The following PHLDB2 variants were observed in gnomAD, a reference collection of about 807,000 sequenced individuals.
PHLDB2 encodes pleckstrin homology-like domain family B member 2.
PHLDB2 carries 71 observed loss-of-function variants against 123.6 expected under a neutral mutation model. The ratio of observed to expected loss-of-function variants is 0.57; its 90% CI spans 0.47 to 0.70. The LOEUF is 0.70. Ranked by LOEUF, PHLDB2 falls within the 30% of genes least tolerant of loss-of-function variation. The probability of loss-of-function intolerance (pLI) is 0.00; values close to 1 mark genes in which losing one functional copy is unlikely to be tolerated. For synonymous variants in PHLDB2, 547 were observed against 541.6 expected (o/e 1.01, Z -0.14); for missense variants, 1,446 against 1,519.5 (o/e 0.95, Z 0.80).
At chr3:111,898,971 A>G (rs1230642503) in intron 2 of PHLDB2, among the ~76,000 whole-genome samples, 2 of 152,350 alleles carry the variant, frequency 1.3e-5, no homozygotes, top group South Asian at 2.1e-4. Flanking sequence ...AAAAATGTCA[A>G]TACCTCCTCT....
chr3:111,804,669 A>G (rs1308282727), intron 1 of PHLDB2, among the ~76,000 whole-genome samples: 1 of 152,160 alleles, frequency 6.6e-6, no homozygotes, highest in East Asian at 1.9e-4. Flanking sequence ...GCCCAATTAA[A>G]CTTTCATTTC....
At chr3:111,952,776 A>T (rs1386635937) in intron 11 of PHLDB2, 64 bp downstream of exon 11, 5 of 1,555,890 alleles carry the variant, frequency 3.2e-6, no homozygotes, top group African/African-American at 1.4e-5. Context: ...ATATTCACTG[A>T]TGTGTAAAGG....
rs1003355002 is a variant in PHLDB2 at position 111,859,373 on chromosome 3, G to C, written c.-218G>C. On this transcript the variant is annotated 5_prime_UTR_variant, in exon 1 of 18. Transcript: ENST00000431670. ...CCCCAACAGCAAACTGCCTGGGAGC[G>C]GGGCAGGTCACCAACTTCGTTGCTC... 5.1e-6 allele frequency: 5 copies of C among 985,620 alleles called. No homozygotes were observed. The South Asian group carries it at 1.4e-4, about 28-fold the overall frequency. 61.1% of individuals were successfully genotyped at this position (985,620 alleles called of 1,614,324 possible).
intron 1 of PHLDB2, among the ~76,000 whole-genome samples, chr3:111,832,016 A>G (rs1421694426): frequency 6.6e-6 from 1 of 152,130 alleles, no homozygotes. Flanking sequence ...GCTGCTTCCC[A>G]TGACACTGGC....
intron 5 of PHLDB2, among the ~76,000 whole-genome samples, chr3:111,930,689 T>C (rs1356246231): frequency 5.3e-5 from 8 of 152,220 alleles, no homozygotes; most frequent in Non-Finnish European, 1.0e-4. Flanking sequence ...TTAGCACACG[T>C]GGGCATCCTT....
chr3:111,814,530 A>G (rs1196745778), intron 1 of PHLDB2, among the ~76,000 whole-genome samples: 1 of 151,508 alleles, frequency 6.6e-6, no homozygotes, highest in African/African-American at 2.4e-5. Flanking sequence ...TGGAAAACAG[A>G]TTTTCTTATT....
At chr3:111,851,062 G>A (rs958447819) in intron 2 of PHLDB2, among the ~76,000 whole-genome samples, 1 of 151,908 alleles carries the variant, frequency 6.6e-6, no homozygotes, top group Non-Finnish European at 1.5e-5. Context: ...GGGTGTGGTG[G>A]TGGTGACCTG....
exon 2 of PHLDB2, chr3:111,845,825 G>A (rs1025389887): frequency 6.2e-7 from 1 of 1,614,054 alleles, no homozygotes; most frequent in Non-Finnish European, 8.5e-7. Context: ...GTGCAGGCTG[G>A]CACTGATCCC....
intron 13 of PHLDB2, among the ~76,000 whole-genome samples, chr3:111,965,552 TA>T (rs1430854470): frequency 6.6e-6 from 1 of 152,228 alleles, no homozygotes; most frequent in East Asian, 1.9e-4. Context: ...TTAATGAATT[TA>T]TTTTTATATG....
At chr3:111,780,285 A>G (rs542852914) in intron 1 of PHLDB2, among the ~76,000 whole-genome samples, 2 of 3,650 alleles carry the variant, frequency 5.5e-4, no homozygotes, top group Non-Finnish European at 2.0e-3. Flanking sequence ...AAGAAGAAGA[A>G]GAAGAAGAAG....
At chr3:111,790,947 A>G (rs1380259931) in intron 1 of PHLDB2, among the ~76,000 whole-genome samples, 3 of 152,174 alleles carry the variant, frequency 2.0e-5, no homozygotes, top group Non-Finnish European at 2.9e-5. Flanking sequence ...AAATGGTGCC[A>G]TGGTAAGCAT....
intron 9 of PHLDB2, 123 bp from the exon 10 acceptor site, chr3:111,948,809 A>G: frequency 1.2e-6 from 1 of 802,516 alleles, no homozygotes; most frequent in Non-Finnish European, 1.9e-6. Flanking sequence ...GAAACATTTG[A>G]TAATACCACA....
chr3:111,874,456 A>G (rs1252586582), intron 1 of PHLDB2, among the ~76,000 whole-genome samples: 1 of 152,198 alleles, frequency 6.6e-6, no homozygotes, highest in African/African-American at 2.4e-5. Flanking sequence ...CCTCATAGTA[A>G]CAAAGAAACC....
At chr3:111,769,844 G>A (rs576280311) in intron 1 of PHLDB2, among the ~76,000 whole-genome samples, 4 of 152,312 alleles carry the variant, frequency 2.6e-5, no homozygotes, top group African/African-American at 9.6e-5. Flanking sequence ...GCAAATTGAT[G>A]AAACACATAT....
chr3:111,774,677 C>A (rs1160458181), intron 1 of PHLDB2, among the ~76,000 whole-genome samples: 5 of 152,158 alleles, frequency 3.3e-5, no homozygotes, highest in African/African-American at 1.2e-4. Context: ...CTAGCACATT[C>A]TTTGTCATGT....
rs2067998040 is a variant in PHLDB2, at chr3:111,913,311, T to G, written c.1336-8T>G. 1.9e-6 allele frequency: 3 copies of G among 1,569,552 alleles called. No homozygotes were observed. The East Asian group carries it at 6.7e-5, about 35-fold the overall frequency. On this transcript the variant is annotated splice_region_variant and splice_polypyrimidine_tract_variant and intron_variant, in intron 2 of 17. Transcript: ENST00000431670. ...CCCACTGACCTCCCCCTCCTCCCTG[T>G]GTTCCAGGAGAGACAGCGTCTGGAG...
chr3:111,901,359 CAAA>C (rs10710041), intron 2 of PHLDB2, among the ~76,000 whole-genome samples: 1 of 109,624 alleles, frequency 9.1e-6, no homozygotes, highest in East Asian at 2.9e-4. Context: ...GACTCTGTCT[CAAA>C]AAAAAAAAAA....
chr3:111,840,201 A>G (rs1190273030), intron 1 of PHLDB2, among the ~76,000 whole-genome samples: 1 of 151,912 alleles, frequency 6.6e-6, no homozygotes, highest in East Asian at 1.9e-4. Flanking sequence ...GCAATGAGCT[A>G]TGATTGCACC....
At chr3:111,941,809 AAAAAC>A (rs59034498) in intron 8 of PHLDB2, among the ~76,000 whole-genome samples, 9 of 150,616 alleles carry the variant, frequency 6.0e-5, no homozygotes, top group Non-Finnish European at 1.0e-4. Flanking sequence ...CCTGTCTCAA[AAAAAC>A]AAAACAAAAC....
Sources: allele counts gnomAD v4.1 joint callset (sites outside exome capture counted in the v4.1 genomes callset), GRCh38; gene constraint gnomAD v4.1.1; transcripts MANE v1.5; gene names NCBI Gene and HGNC (gene_info 2026-07-23, HGNC 2026-07-21).